The following SMYD3 variants were observed in gnomAD, a reference collection of about 807,000 sequenced individuals.
SMYD3 encodes SET and MYND domain containing 3.
Under a neutral mutation model 57.7 loss-of-function variants are expected in SMYD3, and 36 were observed. That is an observed-to-expected ratio of 0.62 (90% CI 0.48 to 0.82). The LOEUF is 0.82. Among genes scored for constraint, SMYD3 ranks in the 40% least tolerant of loss-of-function variants. The pLI is 0.00. For synonymous variants in SMYD3, 211 were observed against 195.0 expected (o/e 1.08, Z -0.68); for missense variants, 515 against 538.8 (o/e 0.96, Z 0.44).
chr1:246,350,341 C>T (rs1319927746), intron 2 of SMYD3, among the ~76,000 whole-genome samples: 1 of 152,118 alleles, frequency 6.6e-6, no homozygotes, highest in Non-Finnish European at 1.5e-5. Flanking sequence ...GGACTTAGAG[C>T]ATAATAATCA....
intron 10 of SMYD3, among the ~76,000 whole-genome samples, chr1:245,839,784 C>A (rs2050306087): frequency 1.3e-5 from 2 of 150,482 alleles, no homozygotes; most frequent in Non-Finnish European, 3.0e-5. Context: ...CAAGAGAAAG[C>A]AGAATTAATA....
chr1:246,505,467 G>C (rs146118078), intron 1 of SMYD3, among the ~76,000 whole-genome samples: 1 of 152,208 alleles, frequency 6.6e-6, no homozygotes, highest in East Asian at 1.9e-4. Context: ...CAGTGTCTAT[G>C]GTGTTCGTGG....
rs1405492987 is a variant in SMYD3 at position 246,264,632 on chromosome 1, T to C, written c.531+62569A>G. Among the ~76,000 whole-genome samples, 7 of 152,362 alleles carry C rather than the reference T, an allele frequency of 4.6e-5. 2 individuals carry two copies. The highest frequency in any genetic ancestry group is 2.4e-5 in the African/African-American group (1 of 41,586). On this transcript the variant is annotated intron_variant, in intron 5 of 11. Transcript: ENST00000490107. ...AATACAGTGCTTTATACACATTCTA[T>C]GGGAATTGCAGGTACCATCTCCATA...
chr1:246,336,923 A>C (rs1191057895), intron 2 of SMYD3, among the ~76,000 whole-genome samples: 2 of 152,254 alleles, frequency 1.3e-5, no homozygotes, highest in African/African-American at 4.8e-5. Flanking sequence ...ATAATCCTCA[A>C]CTGACAGAAA....
chr1:246,220,792 A>G (rs1445615788), intron 5 of SMYD3, among the ~76,000 whole-genome samples: 7 of 152,146 alleles, frequency 4.6e-5, no homozygotes, highest in Non-Finnish European at 1.0e-4. Flanking sequence ...CTATGGACCA[A>G]TCAGTGCAAA....
chr1:246,214,346 T>C (rs2063132695), intron 5 of SMYD3, among the ~76,000 whole-genome samples: 1 of 152,132 alleles, frequency 6.6e-6, no homozygotes, highest in Non-Finnish European at 1.5e-5. Flanking sequence ...ATGAGTTGTG[T>C]ACTCTGTGCT....
At chr1:245,858,766 G>A in intron 9 of SMYD3, 96 bp from the exon 10 acceptor site, 5 of 1,319,880 alleles carry the variant, frequency 3.8e-6, no homozygotes, top group South Asian at 1.4e-5. Flanking sequence ...CCAAGCACAG[G>A]AGCGAGGGAA....
At chr1:245,917,816 G>T (rs2055557465) in intron 7 of SMYD3, among the ~76,000 whole-genome samples, 1 of 152,148 alleles carries the variant, frequency 6.6e-6, no homozygotes. Flanking sequence ...GAAGACTTTG[G>T]CAGAGCAAGA....
Position 245,765,045 on chromosome 1 carries a change from T to TGCACACACACACACACAC in SMYD3, c.1077-897_1077-896insGTGTGTGTGTGTGTGTGC, listed in dbSNP as rs144137711. Among the ~76,000 whole-genome samples the TGCACACACACACACACAC allele has an allele frequency of 1.5e-3, 202 of 134,822 alleles. 6 individuals are homozygous for TGCACACACACACACACAC. The highest frequency in any genetic ancestry group is 7.3e-3 in the Admixed American group (92 of 12,518). 88.4% of individuals were successfully genotyped at this position (134,822 alleles called of 152,430 possible). On this transcript the variant is annotated intron_variant, in intron 10 of 11. Coordinates refer to ENST00000490107, the MANE Select transcript of SMYD3 (RefSeq NM_001167740.2). ...CAGAATTGTCTCTGGTGGAAATGCC[T>TGCACACACACACACACAC]ACACACACACACACACACACACACA...
chr1:246,374,800 C>T (rs2066246200), intron 1 of SMYD3, among the ~76,000 whole-genome samples: 1 of 151,616 alleles, frequency 6.6e-6, no homozygotes, highest in African/African-American at 2.4e-5. Context: ...TGGCAAAACC[C>T]CATCTCTACT....
At chr1:246,002,431 GCCTCGGCCT>G (rs1558573738) in intron 5 of SMYD3, among the ~76,000 whole-genome samples, 122 of 38,086 alleles carry the variant, frequency 3.2e-3, no homozygotes, top group East Asian at 0.016. Context: ...TGATCCACCC[GCCTCGGCCT>G]CCCAAAGTGC....
intron 2 of SMYD3, among the ~76,000 whole-genome samples, chr1:246,348,371 G>A (rs1057472036): frequency 5.3e-5 from 8 of 151,980 alleles, no homozygotes; most frequent in Admixed American, 2.6e-4. Context: ...AGCCTAGATC[G>A]TGCCACTGCA....
At chr1:246,064,918 A>G (rs1159271516) in intron 5 of SMYD3, among the ~76,000 whole-genome samples, 3 of 152,010 alleles carry the variant, frequency 2.0e-5, no homozygotes, top group Non-Finnish European at 4.4e-5. Flanking sequence ...TGCAGAGCCT[A>G]TAATCTGTAT....
intron 5 of SMYD3, among the ~76,000 whole-genome samples, chr1:246,233,816 GA>G (rs2063466518): frequency 7.7e-6 from 1 of 129,500 alleles, no homozygotes; most frequent in Admixed American, 7.9e-5. Context: ...ATACCACACA[GA>G]GGAGAAGCAC....
intron 11 of SMYD3, among the ~76,000 whole-genome samples, chr1:245,757,572 T>C (rs2045663331): frequency 1.3e-5 from 2 of 152,144 alleles, no homozygotes; most frequent in Non-Finnish European, 2.9e-5. Context: ...CTCATATGTT[T>C]AGGTCTTTGA....
At chr1:246,481,267 A>T (rs767493176) in intron 1 of SMYD3, among the ~76,000 whole-genome samples, 1 of 152,044 alleles carries the variant, frequency 6.6e-6, no homozygotes, top group East Asian at 1.9e-4. Flanking sequence ...ATGCCCAGAT[A>T]TGTGGTTAAA....
Position 246,450,855 on chromosome 1 carries a change from T to A in SMYD3, c.164+56199A>T, listed in dbSNP as rs1041014005. Among the ~76,000 whole-genome samples, 5 of 152,374 alleles carry A rather than the reference T, an allele frequency of 3.3e-5. No homozygotes were observed. The East Asian group carries it at 7.7e-4, about 23-fold the overall frequency. Reference sequence around the variant, plus strand: ...TCCAGTGAATTAATATAAACGTATTTAAATTTTAATCATTATGAAGTGAAC... The same window carrying A: ...TCCAGTGAATTAATATAAACGTATTAAAATTTTAATCATTATGAAGTGAAC... On this transcript the variant is annotated intron_variant, in intron 1 of 11. Transcript: ENST00000490107.
At chr1:246,233,711 A>T (rs372235157) in intron 5 of SMYD3, among the ~76,000 whole-genome samples, 2 of 138,578 alleles carry the variant, frequency 1.4e-5, no homozygotes, top group Admixed American at 7.1e-5. Flanking sequence ...ATGAACATAT[A>T]CCACACAGAG....
At chr1:245,793,119 C>G (rs376118182) in intron 10 of SMYD3, among the ~76,000 whole-genome samples, 2 of 144,258 alleles carry the variant, frequency 1.4e-5, no homozygotes, top group Non-Finnish European at 3.1e-5. Context: ...ACCATCCTGG[C>G]TAACACGGTG....
Sources: allele counts gnomAD v4.1 joint callset (sites outside exome capture counted in the v4.1 genomes callset), GRCh38; gene constraint gnomAD v4.1.1; transcripts MANE v1.5; gene names NCBI Gene and HGNC (gene_info 2026-07-23, HGNC 2026-07-21).